ESRRA: variants seen among roughly 807,000 people sequenced by gnomAD.
ESRRA encodes the protein estrogen related receptor alpha, also known as steroid hormone receptor ERR1.
ESRRA carries 7 observed loss-of-function variants against 35.6 expected under a neutral mutation model. The ratio of observed to expected loss-of-function variants is 0.20; its 90% confidence interval spans 0.11 to 0.37. ESRRA has a LOEUF of 0.37. Ranked by LOEUF, ESRRA falls within the 10% of genes least tolerant of loss-of-function variation. The pLI is 1.00. For missense variants in ESRRA, 378 were observed against 561.7 expected (o/e 0.67, Z 3.31); for synonymous variants, 223 against 246.9 (o/e 0.90, Z 0.91).
At position 64,315,122 on chromosome 11, in the gene ESRRA, G is replaced by A; in HGVS notation, c.864G>A (p.Glu288=). 1 of 1,612,758 alleles carries A rather than the reference G, an allele frequency of 6.2e-7. No individual in the cohort carries two copies. Residue 288 remains glutamate, a synonymous_variant, in exon 6 of 7, where the codon GAG becomes GAA. Transcript: ENST00000000442. The part of the protein sequence containing the change: ...LPLQDELAFA[E]DLVLDEEGAR... ...TGCAGGATGAGCTGGCCTTCGCTGA[G>A]GACTTAGTCCTGGATGAAGAGGGGG...
Position 64,315,787 on chromosome 11 carries a change from G to A in ESRRA, c.1093G>A (p.Gly365Ser), listed in dbSNP as rs377619504. ...LHEALLEYEA[G>S]RAGPGGGAER... ...CGAGGCCCTGCTGGAGTATGAAGCCGGCCGGGCTGGCCCCGGAGGGGGTGC... is the reference window on the plus strand; with the variant it reads ...CGAGGCCCTGCTGGAGTATGAAGCCAGCCGGGCTGGCCCCGGAGGGGGTGC... Residue 365 changes from glycine (G) to serine (S), a missense_variant, in exon 7 of 7, where the codon GGC (glycine) becomes AGC (serine). Gly to Ser is a moderately conservative substitution (Grantham distance 56). This residue lies in a region of ESRRA where 284 missense variants were observed against 411.7 expected (regional missense o/e 0.69). Transcript: ENST00000000442. 3.5e-5 allele frequency: 57 copies of A among 1,613,580 alleles called. No individual in the cohort carries two copies. In the African/African-American group the frequency reaches 4.9e-4, roughly 14 times the overall value.
chr11:64,311,404 C>T (rs2035136777), intron 2 of ESRRA, among the ~76,000 whole-genome samples: 1 of 144,838 alleles, frequency 6.9e-6, no homozygotes, highest in East Asian at 2.1e-4. Context: ...TCTGAGGCTC[C>T]AGAGGGCTTG....
intron 2 of ESRRA, among the ~76,000 whole-genome samples, chr11:64,310,001 CAGTT>C (rs1196324019): frequency 6.6e-6 from 1 of 151,422 alleles, no homozygotes; most frequent in Non-Finnish European, 1.5e-5. Context: ...TTTATGATCT[CAGTT>C]AGTCCCCACA....
intron 6 of ESRRA, 123 bp from the exon 7 acceptor site, chr11:64,315,580 CTCAG>C (rs1370231333): frequency 2.8e-5 from 38 of 1,338,764 alleles, no homozygotes; most frequent in South Asian, 6.6e-5. Flanking sequence ...AGTGGTGCCT[CTCAG>C]TCAGCCAATC....
rs1162463020 is a variant in ESRRA at position 64,314,823 on chromosome 11, T to C, written c.654T>C (p.Pro218=). ...KLYAMPDPAG[P]DGHLPAVATL... ...ATGCCATGCCTGACCCCGCAGGCCC[T>C]GATGGGCACCTCCCAGCCGTGGCTA... is the stretch of plus-strand genomic sequence containing the variant. Residue 218 remains proline (P), a synonymous_variant, in exon 5 of 7, where the codon CCT becomes CCC. Coordinates refer to ENST00000000442, the MANE Select transcript of ESRRA (RefSeq NM_004451.5). 4.3e-6 allele frequency: 7 copies of C among 1,612,426 alleles called. No homozygotes were observed. Among genetic ancestry groups the C allele is most frequent in the Non-Finnish European group, 5.9e-6 (7 of 1,180,026 alleles).
intron 6 of ESRRA, 41 bp from the exon 7 acceptor site, chr11:64,315,666 G>T: frequency 6.2e-7 from 1 of 1,606,682 alleles, no homozygotes; most frequent in South Asian, 1.1e-5. Context: ...GCCCTTGCCA[G>T]AGATAGCCCA....
Position 64,314,387 on chromosome 11 carries a change from C to G in ESRRA, c.571+20C>G. On this transcript the variant is annotated intron_variant, in intron 4 of 6. Transcript: ENST00000000442. ...AGACAGGTGAGAGCACTGTGGGTAC[C>G]TGGGGCTACGAAACCGGAGGCCTAT... The G allele has an allele frequency of 6.5e-7, 1 of 1,534,588 alleles. No homozygotes were observed. Among genetic ancestry groups the G allele is most frequent in the East Asian group, 2.4e-5 (1 of 41,722 alleles).
Position 64,307,162 on chromosome 11 carries a change from G to A in ESRRA, c.-12-6G>A, listed in dbSNP as rs750762788. The stretch of plus-strand genomic sequence containing the variant: ...TTCCTGCGAACCTATGGGTCTCTCC[G>A]TGCAGGTGACCAGCGCCATGTCCAG... On this transcript the variant is annotated splice_region_variant and splice_polypyrimidine_tract_variant and intron_variant, in intron 1 of 6. Transcript: ENST00000000442. 7.7e-6 allele frequency: 12 copies of A among 1,559,280 alleles called. No individual in the cohort carries two copies. The highest frequency in any genetic ancestry group is 1.8e-5 in the Admixed American group (1 of 55,948).
At chr11:64,308,132 T>G (rs1296401767) in intron 2 of ESRRA, among the ~76,000 whole-genome samples, 1 of 151,866 alleles carries the variant, frequency 6.6e-6, no homozygotes, top group Non-Finnish European at 1.5e-5. Flanking sequence ...CCACAAATGA[T>G]CCACCTGCCT....
chr11:64,311,090 A>C (rs2035131239), intron 2 of ESRRA, among the ~76,000 whole-genome samples: 1 of 152,176 alleles, frequency 6.6e-6, no homozygotes, highest in South Asian at 2.1e-4. Flanking sequence ...ATCCCCTTTA[A>C]TTCTCACGAC....
At position 64,307,170 on chromosome 11, in the gene ESRRA, G is replaced by C. The variant is rs778566959; in HGVS notation, c.-10G>C. 2 of 1,568,478 alleles carry C rather than the reference G, an allele frequency of 1.3e-6. No homozygotes were observed. The highest frequency in any genetic ancestry group is 2.4e-5 in the South Asian group (2 of 84,766). On this transcript the variant is annotated splice_region_variant and 5_prime_UTR_variant, in exon 2 of 7. An upstream open reading frame in the 5' UTR loses its in-frame stop. Coordinates refer to ENST00000000442, the MANE Select transcript of ESRRA (RefSeq NM_004451.5). The stretch of plus-strand genomic sequence containing the variant: ...AACCTATGGGTCTCTCCGTGCAGGT[G>C]ACCAGCGCCATGTCCAGCCAGGTGG...
chr11:64,314,413 G>A, intron 4 of ESRRA, 46 bp downstream of exon 4: 2 of 1,494,660 alleles, frequency 1.3e-6, no homozygotes, highest in Non-Finnish European at 1.8e-6. Context: ...GGAGGCCTAT[G>A]TGTGGCATCA....
In ESRRA at chr11:64,313,919, G is replaced by A; in HGVS notation, c.326-32G>A. On this transcript the variant is annotated intron_variant, in intron 2 of 6. Coordinates refer to ENST00000000442, the MANE Select transcript of ESRRA (RefSeq NM_004451.5). The surrounding 1 kb of genome is among the most constrained non-coding windows in gnomAD (Gnocchi z 4.0). The stretch of plus-strand genomic sequence containing the variant: ...CTGGGTCCCCTCCCAGCCCCGGGAG[G>A]CCGCCACTGGAGCCCTGCCTCTTCC... 2 of 1,477,084 alleles carry A rather than the reference G, an allele frequency of 1.4e-6. No individual in the cohort carries two copies. Among genetic ancestry groups the A allele is most frequent in the Non-Finnish European group, 1.8e-6 (2 of 1,088,750 alleles). The allele number at this position is 1,477,084 out of a possible 1,614,324, so 91.5% of individuals were successfully genotyped here.
chr11:64,315,827 C>A lies in ESRRA; in HGVS notation c.1133C>A (p.Ala378Glu), dbSNP rs45588331. The change falls in exon 7 of 7, where the codon GCG becomes GAG. Residue 378 changes from alanine (A) to glutamate (E), a missense_variant. This residue lies in a region of ESRRA where 284 missense variants were observed against 411.7 expected (regional missense o/e 0.69). Coordinates refer to ENST00000000442, the MANE Select transcript of ESRRA (RefSeq NM_004451.5). Reference protein sequence around the residue: ...GPGGGAERRRAGRLLLTLPLL... With the variant: ...GPGGGAERRREGRLLLTLPLL... ...GGAGGGGGTGCTGAGCGGCGGCGGG[C>A]GGGCAGGCTGCTGCTCACGCTACCG... 6.5e-7 allele frequency: 1 copy of A among 1,540,200 alleles called. No homozygotes were observed. The highest frequency in any genetic ancestry group is 8.8e-7 in the Non-Finnish European group (1 of 1,140,390).
chr11:64,306,351 A>G (rs1379697713), intron 1 of ESRRA: 1 of 152,372 alleles, frequency 6.6e-6, no homozygotes, highest in East Asian at 1.9e-4. Flanking sequence ...CAGCGGGAGT[A>G]TAAGAGTGGA....
rs1301801311 is a variant in ESRRA, at chr11:64,305,733, C to A, written c.-16C>A. On this transcript the variant is annotated 5_prime_UTR_variant, in exon 1 of 7. Coordinates refer to ENST00000000442, the MANE Select transcript of ESRRA (RefSeq NM_004451.5). The surrounding 1 kb of genome is among the most constrained non-coding windows in gnomAD (Gnocchi z 5.8). ...CCTGCCCGACCGCGCTGCCGGAGCC[C>A]CAGGTCCGGGGGCGGAGGGGAGCGC... The A allele has an allele frequency of 6.7e-6, 1 of 149,386 alleles. No homozygotes were observed. The highest frequency in any genetic ancestry group is 2.4e-5 in the African/African-American group (1 of 41,044). 9.3% of individuals were successfully genotyped at this position (149,386 alleles called of 1,614,324 possible).
chr11:64,315,843 C>T lies in ESRRA; in HGVS notation c.1149C>T (p.Leu383=), dbSNP rs775302101. The T allele has an allele frequency of 6.8e-6, 11 of 1,611,228 alleles. No homozygotes were observed. The highest frequency in any genetic ancestry group is 9.3e-6 in the Non-Finnish European group (11 of 1,178,788). The change falls in exon 7 of 7, where the codon CTC becomes CTT. Residue 383 remains leucine, a synonymous_variant. Transcript: ENST00000000442. ...GGCGGCGGGCGGGCAGGCTGCTGCT[C>T]ACGCTACCGCTCCTCCGCCAGACAG... The part of the protein sequence containing the change: ...AERRRAGRLL[L]TLPLLRQTAG...
intron 2 of ESRRA, among the ~76,000 whole-genome samples, chr11:64,311,097 C>G (rs577434811): frequency 6.6e-6 from 1 of 152,232 alleles, no homozygotes; most frequent in Non-Finnish European, 1.5e-5. Flanking sequence ...TTAATTCTCA[C>G]GACCCAACTC....
In ESRRA at chr11:64,314,759, T is replaced by G. The variant is rs758884232; in HGVS notation, c.590T>G (p.Leu197Arg). ...GTCACAGCAGCCCCAGTGAATGCAC[T>G]GGTGTCTCATCTGCTGGTGGTTGAG... ...PRKTAAPVNA[L>R]VSHLLVVEPE... The change falls in exon 5 of 7, where the codon CTG becomes CGG. Residue 197 changes from leucine (L) to arginine (R), a missense_variant. Around this residue, in one of 4 missense-constraint regions of ESRRA, gnomAD observed 284 missense variants for 411.7 expected, o/e 0.69. Transcript: ENST00000000442. 6.2e-7 allele frequency: 1 copy of G among 1,611,960 alleles called. No individual in the cohort carries two copies. Among genetic ancestry groups the G allele is most frequent in the South Asian group, 1.1e-5 (1 of 90,986 alleles).
Sources: allele counts gnomAD v4.1 joint callset (sites outside exome capture counted in the v4.1 genomes callset), GRCh38; gene constraint gnomAD v4.1.1; regional missense constraint gnomAD v4.1.1; non-coding constraint Gnocchi (gnomAD v3.1); transcripts MANE v1.5; gene names NCBI Gene and HGNC (gene_info 2026-07-23, HGNC 2026-07-21).